Variants in DHRS3 observed in about 807,000 individuals in gnomAD.
DHRS3 encodes the protein dehydrogenase/reductase 3.
A neutral mutation model predicts 27.2 loss-of-function variants in DHRS3; 14 were observed. The observed-to-expected ratio is 0.52, with a 90% CI of 0.34 to 0.81. DHRS3 has a LOEUF of 0.81. Among genes scored for constraint, DHRS3 ranks in the 30% least tolerant of loss-of-function variants. The pLI is 0.01. For synonymous variants in DHRS3, 165 were observed against 175.9 expected (o/e 0.94, Z 0.49); for missense variants, 322 against 406.2 (o/e 0.79, Z 1.78).
In DHRS3 at chr1:12,608,732, A is replaced by G. The variant is rs573760567; in HGVS notation, c.195+8422T>C. Among the ~76,000 whole-genome samples, 1 of 152,276 alleles carries G rather than the reference A, an allele frequency of 6.6e-6. No homozygotes were observed. The highest frequency in any genetic ancestry group is 6.5e-5 in the Admixed American group (1 of 15,304). On this transcript the variant is annotated intron_variant, in intron 1 of 5. Coordinates refer to ENST00000616661, the MANE Select transcript of DHRS3 (RefSeq NM_004753.7). The surrounding 1 kb of genome is among the most constrained non-coding windows in gnomAD (Gnocchi z 4.1). The stretch of plus-strand genomic sequence containing the variant: ...GAGCAACCTGTTCCAAAGGGCAGGA[A>G]GGTGTTCCTCTTGCAGGGCCCAGGT...
chr1:12,612,543 G>A (rs967733658), intron 1 of DHRS3, among the ~76,000 whole-genome samples: 2 of 152,138 alleles, frequency 1.3e-5, no homozygotes, highest in African/African-American at 4.8e-5. Context: ...TCAGTCGAAT[G>A]CTCCTTCCTT....
At chr1:12,580,744 G>T (rs1249080167) in intron 1 of DHRS3, 78 bp from the exon 2 acceptor site, 2 of 1,517,308 alleles carry the variant, frequency 1.3e-6, no homozygotes, top group Non-Finnish European at 8.9e-7. Flanking sequence ...AGAAATTCAG[G>T]ATTTAAAGTC....
chr1:12,582,725 C>T (rs1210905166), intron 1 of DHRS3, among the ~76,000 whole-genome samples: 2 of 152,146 alleles, frequency 1.3e-5, no homozygotes, highest in South Asian at 2.1e-4. Flanking sequence ...CCCTTATCAT[C>T]CTGTGTATAC....
At chr1:12,600,222 TAC>T (rs1553141773) in intron 1 of DHRS3, 90 of 254,140 alleles carry the variant, frequency 3.5e-4, no homozygotes, top group Middle Eastern at 2.0e-3. Context: ...TGTGTACACG[TAC>T]ACACACACAC....
At chr1:12,613,502 A>T (rs1272404206) in intron 1 of DHRS3, among the ~76,000 whole-genome samples, 1 of 152,202 alleles carries the variant, frequency 6.6e-6, no homozygotes, top group Non-Finnish European at 1.5e-5. Context: ...TCTCTCAGAG[A>T]TGGTGTCAAG....
At chr1:12,600,767 C>T (rs1646830452) in intron 1 of DHRS3, among the ~76,000 whole-genome samples, 1 of 152,186 alleles carries the variant, frequency 6.6e-6, no homozygotes, top group South Asian at 2.1e-4. Flanking sequence ...GTATCACTAG[C>T]AACCATGACC....
At chr1:12,616,688 C>T in intron 1 of DHRS3, 3 of 1,003,794 alleles carry the variant, frequency 3.0e-6, no homozygotes, top group Non-Finnish European at 3.6e-6. Context: ...GTCTTCAGAG[C>T]TGCAGCCGCC....
chr1:12,589,491 C>T (rs577943206), intron 1 of DHRS3, among the ~76,000 whole-genome samples: 5 of 149,634 alleles, frequency 3.3e-5, no homozygotes, highest in South Asian at 2.1e-4. Context: ...TGGGTTTGAG[C>T]GATTCTCCTG....
intron 1 of DHRS3, among the ~76,000 whole-genome samples, chr1:12,587,221 C>T (rs1646704439): frequency 6.6e-6 from 1 of 150,546 alleles, no homozygotes; most frequent in Non-Finnish European, 1.5e-5. Context: ...TGACTCACTG[C>T]AGCCTCCATT....
intron 5 of DHRS3, among the ~76,000 whole-genome samples, chr1:12,569,215 C>CT (rs1398306746): frequency 0.068 from 5,931 of 87,646 alleles, 169 homozygotes; most frequent in East Asian, 0.23. Context: ...AAAACTCTGT[C>CT]CCCTCTCTCT....
chr1:12,568,263 G>T lies in DHRS3; in HGVS notation c.*77C>A. ...CTCACCCAGCAGAAGCATGCCAATGGACAGGTGCTCGGGTGTGTGCCCAGG... is the reference window on the plus strand; with the variant it reads ...CTCACCCAGCAGAAGCATGCCAATGTACAGGTGCTCGGGTGTGTGCCCAGG... On this transcript the variant is annotated 3_prime_UTR_variant, in exon 6 of 6. Transcript: ENST00000616661. 7.4e-7 allele frequency: 1 copy of T among 1,343,228 alleles called. No individual in the cohort carries two copies. The highest frequency in any genetic ancestry group is 1.1e-6 in the Non-Finnish European group (1 of 936,962). The allele number at this position is 1,343,228 out of a possible 1,614,324, so 83.2% of individuals were successfully genotyped here. A position where few individuals can be genotyped will look rare whatever the true frequency, so the allele number is the denominator to read the frequency against.
intron 1 of DHRS3, among the ~76,000 whole-genome samples, chr1:12,583,227 C>CTACCCCACTG (rs1646660553): frequency 6.8e-6 from 1 of 147,506 alleles, no homozygotes; most frequent in African/African-American, 2.5e-5. Flanking sequence ...CATCCCTCAC[C>CTACCCCACTG]TACCCCACTG....
At chr1:12,598,486 C>T (rs1646813724) in intron 1 of DHRS3, among the ~76,000 whole-genome samples, 2 of 152,190 alleles carry the variant, frequency 1.3e-5, no homozygotes, top group Admixed American at 1.3e-4. Flanking sequence ...ATCCTCCGTT[C>T]TAGAATCCAA....
rs936361396 is a variant in DHRS3, at chr1:12,592,119, G to A, written c.196-11453C>T. ...GAGCACCCTTGCTCTCCAAGTGGGC[G>A]GGGTGGGACTGTGACAAGCACTCAC... On this transcript the variant is annotated intron_variant, in intron 1 of 5. Transcript: ENST00000616661. This position sits in a 1 kb window ranked among gnomAD's most constrained non-coding sequence, Gnocchi z 4.2. Among the ~76,000 whole-genome samples the A allele has an allele frequency of 1.1e-4, 17 of 152,130 alleles. No homozygotes were observed. Among genetic ancestry groups the A allele is most frequent in the South Asian group, 4.1e-4 (2 of 4,824 alleles).
intron 1 of DHRS3, among the ~76,000 whole-genome samples, chr1:12,604,747 G>T (rs1294128270): frequency 6.6e-6 from 1 of 152,244 alleles, no homozygotes; most frequent in Non-Finnish European, 1.5e-5. Context: ...ACTTCACCTG[G>T]ATCTCAGAAA....
At position 12,572,576 on chromosome 1, in the gene DHRS3, T is replaced by TTTTAA. The variant is rs1570352961; in HGVS notation, c.824+151_824+152insTTAAA. The TTTTAA allele has an allele frequency of 2.7e-5, 35 of 1,293,870 alleles. No homozygotes were observed. The East Asian group carries it at 9.5e-4, about 35-fold the overall frequency. The allele number at this position is 1,293,870 out of a possible 1,614,324, so 80.1% of individuals were successfully genotyped here. ...TTAAAACTCTAAGGGGCCCCGTGAC[T>TTTTAA]AACAAGTTTGAGAACTGCTGCCCCA... is the stretch of plus-strand genomic sequence containing the variant. On this transcript the variant is annotated intron_variant, in intron 5 of 5. Coordinates refer to ENST00000616661, the MANE Select transcript of DHRS3 (RefSeq NM_004753.7).
chr1:12,606,693 C>T (rs962041218), intron 1 of DHRS3, among the ~76,000 whole-genome samples: 2 of 151,316 alleles, frequency 1.3e-5, no homozygotes, highest in Non-Finnish European at 2.9e-5. Context: ...GATGGGGTTT[C>T]TCCATGTTGG....
At chr1:12,615,351 C>T (rs537399994) in intron 1 of DHRS3, among the ~76,000 whole-genome samples, 12 of 152,244 alleles carry the variant, frequency 7.9e-5, no homozygotes, top group African/African-American at 2.9e-4. Context: ...GACCCTGACA[C>T]CAATTTAAGA....
Position 12,568,050 on chromosome 1 carries a change from C to T in DHRS3, c.*290G>A, listed in dbSNP as rs534686539. Reference sequence around the variant, plus strand: ...AAATGGTCTATGCACACTGCTGAGGCTGGTTAGACTTGAGAAGCAATTGAC... The same window carrying T: ...AAATGGTCTATGCACACTGCTGAGGTTGGTTAGACTTGAGAAGCAATTGAC... On this transcript the variant is annotated 3_prime_UTR_variant, in exon 6 of 6. Coordinates refer to ENST00000616661, the MANE Select transcript of DHRS3 (RefSeq NM_004753.7). 3.1e-6 allele frequency: 1 copy of T among 325,548 alleles called. No homozygotes were observed. The highest frequency in any genetic ancestry group is 2.1e-5 in the African/African-American group (1 of 47,308). 20.2% of individuals were successfully genotyped at this position (325,548 alleles called of 1,614,324 possible).
Sources: allele counts gnomAD v4.1 joint callset (sites outside exome capture counted in the v4.1 genomes callset), GRCh38; gene constraint gnomAD v4.1.1; non-coding constraint Gnocchi (gnomAD v3.1); transcripts MANE v1.5; gene names NCBI Gene and HGNC (gene_info 2026-07-23, HGNC 2026-07-21).